SESN1: variants seen among roughly 807,000 people sequenced by gnomAD.
The protein encoded by SESN1 is sestrin 1, also known as sestrin-1.
Under a neutral mutation model 59.3 loss-of-function variants are expected in SESN1, and 30 were observed. The observed-to-expected ratio is 0.51, with a 90% confidence interval of 0.38 to 0.69. The LOEUF (loss-of-function observed/expected upper bound fraction) is 0.69. SESN1 is among the 30% of genes least tolerant of loss of function. The pLI, the probability that SESN1 is intolerant of heterozygous loss-of-function variation, is 0.00. For missense variants in SESN1, 566 were observed against 673.0 expected (o/e 0.84, Z 1.76); for synonymous variants, 197 against 219.9 (o/e 0.90, Z 0.92).
At position 109,093,993 on chromosome 6, in the gene SESN1, G is replaced by A. The variant is rs2114490845; in HGVS notation, c.81C>T (p.Asn27=). The change falls in exon 1 of 10, where the codon AAC becomes AAT. Residue 27 remains asparagine, a synonymous_variant. Coordinates refer to ENST00000436639, the MANE Select transcript of SESN1 (RefSeq NM_014454.3). ...TTTTCCTCAAAATGGTTTGCCTAATGTTTTCCAATGCTGTCTCCCTAGTAG... is the reference window on the plus strand; with the variant it reads ...TTTTCCTCAAAATGGTTTGCCTAATATTTTCCAATGCTGTCTCCCTAGTAG... The part of the protein sequence containing the change: ...DSTTRETALE[N]IRQTILRKTE... The A allele has an allele frequency of 6.2e-7, 1 of 1,614,140 alleles. No individual in the cohort carries two copies. Among genetic ancestry groups the A allele is most frequent in the Non-Finnish European group, 8.5e-7 (1 of 1,180,022 alleles).
chr6:109,047,062 G>A (rs1371751165), intron 1 of SESN1, among the ~76,000 whole-genome samples: 2 of 860 alleles, frequency 2.3e-3, no homozygotes, highest in African/African-American at 0.012. Flanking sequence ...CCCTCCACCC[G>A]GCCAGCCGCC....
At chr6:109,069,849 C>T (rs1462839999) in intron 1 of SESN1, among the ~76,000 whole-genome samples, 1 of 152,120 alleles carries the variant, frequency 6.6e-6, no homozygotes, top group African/African-American at 2.4e-5. Context: ...TGAGCCACTG[C>T]ACCCAGCCTC....
intron 1 of SESN1, among the ~76,000 whole-genome samples, chr6:109,039,046 G>GGGA (rs10687942): frequency 0.4 from 59,587 of 148,844 alleles, 12,713 homozygotes; most frequent in African/African-American, 0.54. Context: ...AGAAGAAGGA[G>GGGA]GGAGAAGGAG....
intron 1 of SESN1, among the ~76,000 whole-genome samples, chr6:109,060,184 C>T (rs960361285): frequency 2.0e-5 from 3 of 152,110 alleles, no homozygotes; most frequent in Admixed American, 6.6e-5. Context: ...GAAAAAGCCA[C>T]ACCACTAAAT....
chr6:109,042,639 T>C (rs1001823554), intron 1 of SESN1, among the ~76,000 whole-genome samples: 2 of 151,834 alleles, frequency 1.3e-5, no homozygotes, highest in Non-Finnish European at 2.9e-5. Flanking sequence ...ATTCCCACCA[T>C]AACTCCATAA....
intron 1 of SESN1, among the ~76,000 whole-genome samples, chr6:109,085,908 C>T (rs139682470): frequency 1.4e-4 from 21 of 152,316 alleles, no homozygotes; most frequent in African/African-American, 5.1e-4. Context: ...CTCTGTTCTT[C>T]CACAAATTCT....
chr6:109,021,603 A>G (rs938896036), intron 1 of SESN1, among the ~76,000 whole-genome samples: 1 of 151,926 alleles, frequency 6.6e-6, no homozygotes, highest in Admixed American at 6.6e-5. Context: ...AAGCCTGGCT[A>G]ATTTTTTTTT....
chr6:109,008,484 T>C (rs1779781291), intron 1 of SESN1, among the ~76,000 whole-genome samples: 2 of 152,242 alleles, frequency 1.3e-5, no homozygotes, highest in Admixed American at 1.3e-4. Context: ...TGACAAAGTG[T>C]CTTCATTTAA....
At chr6:109,039,932 A>G (rs1376945114) in intron 1 of SESN1, among the ~76,000 whole-genome samples, 1 of 152,336 alleles carries the variant, frequency 6.6e-6, no homozygotes, top group Non-Finnish European at 1.5e-5. Flanking sequence ...TCATGGCCAC[A>G]GACTGCATCA....
chr6:108,992,737 C>T (rs1307664695), intron 7 of SESN1, 50 bp downstream of exon 7: 7 of 1,175,044 alleles, frequency 6.0e-6, no homozygotes, highest in Non-Finnish European at 5.1e-6. Flanking sequence ...TATTTTAAGT[C>T]AGACTGAGAT....
intron 1 of SESN1, among the ~76,000 whole-genome samples, chr6:109,091,105 C>T (rs901885801): frequency 4.6e-5 from 7 of 152,162 alleles, no homozygotes; most frequent in Non-Finnish European, 8.8e-5. Context: ...AAATAATCTT[C>T]CTATAAGTGG....
At chr6:108,995,837 A>T (rs1779493535) in intron 5 of SESN1, among the ~76,000 whole-genome samples, 1 of 149,904 alleles carries the variant, frequency 6.7e-6, no homozygotes, top group African/African-American at 2.4e-5. Flanking sequence ...ATACAAAATT[A>T]ATGTTTCCCC....
rs1779189467 is a variant in SESN1 at position 108,986,318 on chromosome 6, G to A, written c.*1226C>T. 6.6e-6 allele frequency: 1 copy of A among 152,478 alleles called. No homozygotes were observed. The highest frequency in any genetic ancestry group is 2.4e-5 in the African/African-American group (1 of 41,418). The allele number at this position is 152,478 out of a possible 1,614,324, so 9.4% of individuals were successfully genotyped here. ...CACTCCTCTTTGTATGTTTCAAAAT[G>A]GCTTCAAGTGTTGTTTTGCCATTTA... On this transcript the variant is annotated 3_prime_UTR_variant, in exon 10 of 10. Coordinates refer to ENST00000436639, the MANE Select transcript of SESN1 (RefSeq NM_014454.3).
chr6:109,015,438 A>AT, intron 1 of SESN1, among the ~76,000 whole-genome samples: 1 of 152,334 alleles, frequency 6.6e-6, no homozygotes, highest in East Asian at 1.9e-4. Flanking sequence ...ACAAGATACC[A>AT]TTGTTTGACA....
chr6:109,092,036 T>C lies in SESN1; in HGVS notation c.279+1759A>G, dbSNP rs369606459. On this transcript the variant is annotated intron_variant, in intron 1 of 9. Coordinates refer to ENST00000436639, the MANE Select transcript of SESN1 (RefSeq NM_014454.3). The stretch of plus-strand genomic sequence containing the variant: ...AACACAATATAAGTAAATTGCCTTT[T>C]ATAATTGTACAATAGATGCAGAGAT... Among the ~76,000 whole-genome samples, 17 of 152,364 alleles carry C rather than the reference T, an allele frequency of 1.1e-4. No individual in the cohort carries two copies. The East Asian group carries it at 2.9e-3, about 26-fold the overall frequency.
intron 1 of SESN1, chr6:109,087,993 A>T (rs1255505665): frequency 6.6e-6 from 1 of 152,212 alleles, no homozygotes; most frequent in Non-Finnish European, 1.5e-5. Flanking sequence ...TAGGGGCTGA[A>T]TGCTGATTAG....
intron 1 of SESN1, among the ~76,000 whole-genome samples, chr6:109,022,778 T>A (rs1184660891): frequency 6.6e-6 from 1 of 152,124 alleles, no homozygotes; most frequent in Non-Finnish European, 1.5e-5. Context: ...ACATGCTATC[T>A]TCATTTTAGA....
intron 1 of SESN1, among the ~76,000 whole-genome samples, chr6:109,058,647 A>C (rs968537404): frequency 2.6e-5 from 4 of 152,198 alleles, no homozygotes; most frequent in Non-Finnish European, 5.9e-5. Flanking sequence ...CACAGAAGTA[A>C]AAGTAATTCA....
intron 1 of SESN1, among the ~76,000 whole-genome samples, chr6:109,039,290 A>G (rs1380356921): frequency 6.6e-6 from 1 of 152,230 alleles, no homozygotes; most frequent in African/African-American, 2.4e-5. Flanking sequence ...TGGAATATAA[A>G]TTGTATATAC....
Sources: gnomAD v4.1 joint callset for allele counts (sites outside exome capture counted in the v4.1 genomes callset) on GRCh38, gnomAD v4.1.1 for gene constraint, MANE v1.5 for transcripts, NCBI Gene and HGNC (gene_info 2026-07-23, HGNC 2026-07-21) for gene names.